Variants in CXADR observed in about 807,000 individuals in gnomAD.
CXADR encodes coxsackievirus and adenovirus receptor.
CXADR carries 20 observed loss-of-function variants against 40.3 expected under a neutral mutation model. The ratio of observed to expected loss-of-function variants is 0.50; its 90% CI spans 0.35 to 0.72. The LOEUF (loss-of-function observed/expected upper bound fraction) is 0.72, where lower values mean the gene tolerates loss of function less well. Ranked by LOEUF, CXADR falls within the 30% of genes least tolerant of loss-of-function variation. CXADR has a pLI of 0.01. For missense variants in CXADR, 332 were observed against 449.1 expected, an observed-to-expected ratio of 0.74 and a Z score of 2.36; for synonymous variants, 150 against 161.3, an observed-to-expected ratio of 0.93 and a Z score of 0.53.
chr21:17,517,255 T>A (rs1358958259), intron 1 of CXADR, among the ~76,000 whole-genome samples: 1 of 152,136 alleles, frequency 6.6e-6, no homozygotes, highest in Admixed American at 6.6e-5. Context: ...GAAACTTGAG[T>A]GAATGAATGC....
the CXADR span, among the ~76,000 whole-genome samples, chr21:17,606,252 A>T: frequency 1.3e-5 from 2 of 152,168 alleles, no homozygotes; most frequent in Non-Finnish European, 2.9e-5. Context: ...AGTTTGAGTA[A>T]CTTCCCAACA....
At chr21:17,609,229 C>G in the CXADR span, 1 of 1,348,564 alleles carries the variant, frequency 7.4e-7, no homozygotes, top group East Asian at 2.3e-5. Flanking sequence ...AGATATACCT[C>G]CTTTACAGCT....
intron 1 of CXADR, among the ~76,000 whole-genome samples, chr21:17,522,605 C>CA (rs1403995952): frequency 3.3e-5 from 5 of 152,188 alleles, no homozygotes; most frequent in African/African-American, 1.2e-4. Flanking sequence ...TTGCAGTTGA[C>CA]ACTGTGGCTA....
At chr21:17,604,031 G>A in the CXADR span, 1 of 873,432 alleles carries the variant, frequency 1.1e-6, no homozygotes, top group Non-Finnish European at 1.5e-6. Context: ...AGCAAGTGGA[G>A]TTCAAAAAGA....
the CXADR span, among the ~76,000 whole-genome samples, chr21:17,605,956 G>A: frequency 3.3e-5 from 5 of 152,054 alleles, no homozygotes; most frequent in Non-Finnish European, 7.4e-5. Context: ...TAGTAATTAC[G>A]CTGTAAAATA....
At chr21:17,524,035 T>C (rs1180075689) in intron 1 of CXADR, among the ~76,000 whole-genome samples, 1 of 143,510 alleles carries the variant, frequency 7.0e-6, no homozygotes. Flanking sequence ...ATTTTGTGTG[T>C]GTGTGTGCGT....
At chr21:17,605,077 GGTGA>G in the CXADR span, 1 of 1,462,140 alleles carries the variant, frequency 6.8e-7, no homozygotes, top group Non-Finnish European at 9.3e-7. Context: ...TACTTGCCAA[GGTGA>G]GTAATAAAAT....
chr21:17,547,166 A>G lies in CXADR; in HGVS notation c.183A>G (p.Pro61=). The G allele has an allele frequency of 6.2e-7, 1 of 1,614,214 alleles. No homozygotes were observed. ...GPLDIEWLIS[P]ADNQKVDQVI... ...TGGACATCGAGTGGCTGATATCACC[A>G]GCTGATAATCAGAAGGTGGATCAAG... Residue 61 remains proline, a synonymous_variant, in exon 2 of 7, where the codon CCA becomes CCG. Transcript: ENST00000284878.
At chr21:17,592,398 TA>T (rs1294336109) in intron 7 of CXADR, among the ~76,000 whole-genome samples, 1 of 110,254 alleles carries the variant, frequency 9.1e-6, no homozygotes, top group Admixed American at 8.2e-5. Context: ...TTAAAATTTG[TA>T]TTTTTTTAAT....
the CXADR span, among the ~76,000 whole-genome samples, chr21:17,607,894 G>C: frequency 6.6e-6 from 1 of 152,160 alleles, no homozygotes; most frequent in African/African-American, 2.4e-5. Context: ...AGCATGCCAG[G>C]GCATGTTTTA....
chr21:17,571,732 A>AG (rs1351438563), downstream of CXADR, among the ~76,000 whole-genome samples: 1 of 152,218 alleles, frequency 6.6e-6, no homozygotes, highest in East Asian at 1.9e-4. Context: ...AAATATTTAT[A>AG]GGGGGAAAAG....
chr21:17,618,410 C>G, the CXADR span, among the ~76,000 whole-genome samples: 2 of 152,158 alleles, frequency 1.3e-5, no homozygotes, highest in African/African-American at 4.8e-5. Flanking sequence ...CTGTGAATTG[C>G]GAATGTTTCT....
At chr21:17,618,237 C>T in the CXADR span, among the ~76,000 whole-genome samples, 2 of 152,176 alleles carry the variant, frequency 1.3e-5, no homozygotes, top group Non-Finnish European at 2.9e-5. Flanking sequence ...TACAGCAATT[C>T]AGCCACATCT....
chr21:17,536,592 C>G (rs2060760824), intron 1 of CXADR, among the ~76,000 whole-genome samples: 1 of 152,046 alleles, frequency 6.6e-6, no homozygotes, highest in African/African-American at 2.4e-5. Flanking sequence ...AGGGACACAC[C>G]CTCCAGAGAG....
intron 1 of CXADR, among the ~76,000 whole-genome samples, chr21:17,513,970 T>G (rs1244441074): frequency 6.6e-6 from 1 of 152,166 alleles, no homozygotes; most frequent in African/African-American, 2.4e-5. Context: ...CAAGTGCGTT[T>G]GTCGACTGCT....
the CXADR span, among the ~76,000 whole-genome samples, chr21:17,635,077 G>C: frequency 6.6e-6 from 1 of 152,200 alleles, no homozygotes; most frequent in Non-Finnish European, 1.5e-5. Flanking sequence ...GTAACAAAAT[G>C]TAATAGTAAT....
intron 1 of CXADR, among the ~76,000 whole-genome samples, chr21:17,534,725 C>G (rs2060731260): frequency 6.6e-6 from 1 of 151,784 alleles, no homozygotes; most frequent in African/African-American, 2.4e-5. Flanking sequence ...TTTTCTCGAA[C>G]CTCTAAATCT....
the CXADR span, chr21:17,604,777 C>T: frequency 6.9e-7 from 1 of 1,456,690 alleles, no homozygotes; most frequent in South Asian, 1.5e-5. Flanking sequence ...CATAAAGATA[C>T]ACAGGCAGGC....
Position 17,590,133 on chromosome 21 carries a change from C to CATA in CXADR, c.1018-3016_1018-3014dup, listed in dbSNP as rs1274703425. On this transcript the variant is annotated intron_variant, in intron 7 of 7. Coordinates refer to the CXADR transcript ENST00000400169. ...TTAGCCATGGCATTGCTGTCTAAAT[C>CATA]ATAATTAGTATTTTTAAGTCCTATG... Among the ~76,000 whole-genome samples the CATA allele has an allele frequency of 2.6e-5, 4 of 151,760 alleles. 1 individual carries two copies. The East Asian group carries it at 7.7e-4, about 29-fold the overall frequency.
Sources: gnomAD v4.1 joint callset for allele counts (sites outside exome capture counted in the v4.1 genomes callset) on GRCh38, gnomAD v4.1.1 for gene constraint, MANE v1.5 for transcripts, NCBI Gene and HGNC (gene_info 2026-07-23, HGNC 2026-07-21) for gene names.